Variants in ALG14 observed in about 807,000 individuals in gnomAD.
ALG14 encodes ALG14 UDP-N-acetylglucosaminyltransferase subunit.
In ALG14, 17 loss-of-function variants were observed where a neutral mutation model predicts 22.8. The ratio of observed to expected loss-of-function variants is 0.75; its 90% CI spans 0.51 to 1.12. The LOEUF (loss-of-function observed/expected upper bound fraction) is 1.12, where lower values mean the gene tolerates loss of function less well. Ranked by LOEUF, ALG14 falls within the 50% of genes most tolerant of loss-of-function variation. The probability of loss-of-function intolerance (pLI) is 0.00; values close to 1 mark genes in which losing one functional copy is unlikely to be tolerated. For missense variants in ALG14, 288 were observed against 271.8 expected (o/e 1.06, Z -0.42); for synonymous variants, 89 against 103.7 (o/e 0.86, Z 0.86).
chr1:94,983,183 A>G lies in ALG14; in HGVS notation c.544T>C (p.Ser182Pro), dbSNP rs1345866356. 6.2e-7 allele frequency: 1 copy of G among 1,614,166 alleles called. No homozygotes were observed. The highest frequency in any genetic ancestry group is 8.5e-7 in the Non-Finnish European group (1 of 1,180,022). Residue 182 changes from serine to proline, a missense_variant, in exon 4 of 4, where the codon TCC becomes CCC. Transcript: ENST00000370205. ...VESICRVETL[S>P]MSGKILFHLS... is the part of the protein sequence containing the mutation. ...TGAAACAGAATCTTTCCGGACATGG[A>G]TAACGTTTCTACACGGCAGATGCTT...
rs574562537 is a variant in ALG14, at chr1:95,010,491, C to T, written c.420+16638G>A. On this transcript the variant is annotated intron_variant, in intron 3 of 3. Coordinates refer to ENST00000370205, the MANE Select transcript of ALG14 (RefSeq NM_144988.4). ...TTGTAGTATAAAATCCAATATATTA[C>T]ACTCACTAAAGTATAAAGCTGAAAT... Among the ~76,000 whole-genome samples the T allele has an allele frequency of 4.6e-5, 7 of 152,312 alleles. No homozygotes were observed. The East Asian group carries it at 1.3e-3, about 29-fold the overall frequency.
In ALG14 at chr1:95,032,006, A is replaced by G. The variant is rs1269267934; in HGVS notation, c.289-4746T>C. 2.6e-5 allele frequency among the ~76,000 whole-genome samples: 4 copies of G among 151,976 alleles called. No individual in the cohort carries two copies. The East Asian group carries it at 7.7e-4, about 29-fold the overall frequency. ...GCATTTTTAGTAGAGACAGGGTTTCACCATGTTGGTCAGGCTGGTCTCCAA... is the reference window on the plus strand; with the variant it reads ...GCATTTTTAGTAGAGACAGGGTTTCGCCATGTTGGTCAGGCTGGTCTCCAA... On this transcript the variant is annotated intron_variant, in intron 2 of 3. Transcript: ENST00000370205.
At chr1:95,070,183 A>G (rs1189310771) in intron 1 of ALG14, among the ~76,000 whole-genome samples, 1 of 152,228 alleles carries the variant, frequency 6.6e-6, no homozygotes, top group Non-Finnish European at 1.5e-5. Flanking sequence ...AAATCTAGAC[A>G]GGCCTTGCTG....
At chr1:95,026,529 C>T (rs1673824383) in intron 3 of ALG14, among the ~76,000 whole-genome samples, 1 of 147,004 alleles carries the variant, frequency 6.8e-6, no homozygotes, top group Admixed American at 6.8e-5. Context: ...AGAGAGAGGA[C>T]AGCAGGCTGT....
intron 3 of ALG14, among the ~76,000 whole-genome samples, chr1:94,988,758 A>G (rs2100717336): frequency 6.6e-6 from 1 of 152,218 alleles, no homozygotes; most frequent in East Asian, 1.9e-4. Context: ...GAAAAGTTGT[A>G]CTGAGAATAT....
intron 3 of ALG14, among the ~76,000 whole-genome samples, chr1:95,011,178 C>G (rs529768567): frequency 6.6e-6 from 1 of 152,124 alleles, no homozygotes; most frequent in African/African-American, 2.4e-5. Flanking sequence ...CTCACCTCCA[C>G]GGTGATGATA....
intron 3 of ALG14, among the ~76,000 whole-genome samples, chr1:95,001,010 C>A (rs184381016): frequency 2.2e-3 from 340 of 152,300 alleles, no homozygotes; most frequent in Non-Finnish European, 4.2e-3. Flanking sequence ...CTATGATTAT[C>A]CATATTTTAA....
At chr1:94,983,455 G>A (rs1050124835) in intron 3 of ALG14, 149 bp from the exon 4 acceptor site, 24 of 674,824 alleles carry the variant, frequency 3.6e-5, no homozygotes, top group East Asian at 8.2e-5. Context: ...AGCAAACAGC[G>A]CATGTTTAAG....
rs1368985410 is a variant in ALG14 at position 94,978,854 on chromosome 1, A to AAC, written c.*4221_*4222insGT. The stretch of plus-strand genomic sequence containing the variant: ...TTTTTCTTTTTTCTTTAAAAAAAAA[A>AAC]AAAAACACCTAACGTAGCTATTAAG... On this transcript the variant is annotated 3_prime_UTR_variant, in exon 4 of 4. Coordinates refer to ENST00000370205, the MANE Select transcript of ALG14 (RefSeq NM_144988.4). 6.6e-6 allele frequency: 1 copy of AAC among 151,272 alleles called. No homozygotes were observed. The highest frequency in any genetic ancestry group is 1.5e-5 in the Non-Finnish European group (1 of 67,768). The allele number at this position is 151,272 out of a possible 1,614,324, so 9.4% of individuals were successfully genotyped here.
chr1:94,994,393 C>G (rs1045047259), intron 3 of ALG14, among the ~76,000 whole-genome samples: 3 of 152,192 alleles, frequency 2.0e-5, no homozygotes, highest in Non-Finnish European at 4.4e-5. Flanking sequence ...TAGATGAAGC[C>G]TCAGGGAATA....
intron 3 of ALG14, among the ~76,000 whole-genome samples, chr1:95,019,487 T>A (rs1025390374): frequency 8.5e-5 from 13 of 152,304 alleles, no homozygotes; most frequent in African/African-American, 3.1e-4. Flanking sequence ...CTCATTCCAC[T>A]TATCCTCATT....
chr1:95,048,048 A>T (rs1335606214), intron 2 of ALG14, among the ~76,000 whole-genome samples: 3 of 152,102 alleles, frequency 2.0e-5, no homozygotes, highest in African/African-American at 7.2e-5. Context: ...AAAAATAACC[A>T]CTCATAGTCC....
At chr1:95,059,487 A>C (rs1387282289) in intron 2 of ALG14, among the ~76,000 whole-genome samples, 3 of 149,428 alleles carry the variant, frequency 2.0e-5, no homozygotes, top group African/African-American at 7.4e-5. Flanking sequence ...TTAAAAAGTT[A>C]TTTTCTTTTT....
intron 3 of ALG14, among the ~76,000 whole-genome samples, chr1:95,016,944 T>TGG (rs1392420945): frequency 2.3e-4 from 4 of 17,286 alleles, no homozygotes; most frequent in Non-Finnish European, 5.3e-4. Flanking sequence ...GCAAAAGGGG[T>TGG]GTGTGTGTGT....
rs6694535 is a variant in ALG14 at position 94,982,377 on chromosome 1, T to C, written c.*699A>G. On this transcript the variant is annotated 3_prime_UTR_variant, in exon 4 of 4. Coordinates refer to ENST00000370205, the MANE Select transcript of ALG14 (RefSeq NM_144988.4). ...CTGACCTCCAGTGATCCACCCGCCT[T>C]AGCCTCCCAAGGTGCTGGGATTACA... The C allele has an allele frequency of 0.57, 86,395 of 151,824 alleles. 25,789 individuals carry two copies. The highest frequency in any genetic ancestry group is 0.85 in the East Asian group (4,382 of 5,158). The allele number at this position is 151,824 out of a possible 1,614,324, so 9.4% of individuals were successfully genotyped here. A position where few individuals can be genotyped will look rare whatever the true frequency, so the allele number is the denominator to read the frequency against.
At chr1:94,992,998 C>A (rs1375267299) in intron 3 of ALG14, among the ~76,000 whole-genome samples, 1 of 151,192 alleles carries the variant, frequency 6.6e-6, no homozygotes, top group Non-Finnish European at 1.5e-5. Context: ...AAGGCCAGAG[C>A]CTTATGAAAC....
At chr1:95,002,229 A>G (rs1673087388) in intron 3 of ALG14, among the ~76,000 whole-genome samples, 1 of 152,032 alleles carries the variant, frequency 6.6e-6, no homozygotes, top group Non-Finnish European at 1.5e-5. Flanking sequence ...ATATTGATAA[A>G]GCCCTGTAAG....
chr1:95,012,570 T>C (rs12137333), intron 3 of ALG14, among the ~76,000 whole-genome samples: 20,174 of 152,260 alleles, frequency 0.13, 1,490 homozygotes, highest in South Asian at 0.19. Context: ...TTGGTAGTCA[T>C]GAAAGCTGTG....
intron 2 of ALG14, among the ~76,000 whole-genome samples, chr1:95,040,292 G>A (rs990684311): frequency 6.6e-6 from 1 of 152,156 alleles, no homozygotes; most frequent in African/African-American, 2.4e-5. Context: ...AGGTGACAGA[G>A]CTGGTTATTA....
Sources: allele counts gnomAD v4.1 joint callset (sites outside exome capture counted in the v4.1 genomes callset), GRCh38; gene constraint gnomAD v4.1.1; transcripts MANE v1.5; gene names NCBI Gene and HGNC (gene_info 2026-07-23, HGNC 2026-07-21).